HSPG2: variants seen among roughly 807,000 people sequenced by gnomAD.
The protein encoded by HSPG2 is heparan sulfate proteoglycan 2.
Under a neutral mutation model 526.6 loss-of-function variants are expected in HSPG2, and 278 were observed. That is an observed-to-expected ratio of 0.53 (90% confidence interval 0.48 to 0.58). The LOEUF (loss-of-function observed/expected upper bound fraction) is 0.58. HSPG2 is among the 20% of genes least tolerant of loss of function. The pLI is 0.00. For synonymous variants in HSPG2, 2,465 were observed against 2,555.4 expected (o/e 0.96, Z 1.07); for missense variants, 5,354 against 6,099.5 (o/e 0.88, Z 4.07).
intron 1 of HSPG2, among the ~76,000 whole-genome samples, chr1:21,900,592 GAA>G (rs957136914): frequency 6.6e-6 from 1 of 152,170 alleles, no homozygotes; most frequent in Non-Finnish European, 1.5e-5. Flanking sequence ...GAACGGAGGA[GAA>G]AACTACAGGA....
intron 1 of HSPG2, among the ~76,000 whole-genome samples, chr1:21,926,900 CA>C (rs1644210664): frequency 6.6e-6 from 1 of 152,048 alleles, no homozygotes. Flanking sequence ...TCCCAGTTCC[CA>C]ACTATTTGAA....
Position 21,875,721 on chromosome 1 carries a change from C to A in HSPG2, c.3210G>T (p.Gln1070His), listed in dbSNP as rs1321960164. 6.2e-7 allele frequency: 1 copy of A among 1,604,984 alleles called. No homozygotes were observed. The highest frequency in any genetic ancestry group is 1.3e-5 in the African/African-American group (1 of 75,052). Residue 1070 changes from glutamine to histidine, a missense_variant, in exon 25 of 97, where the codon CAG becomes CAT. Gln to His is a conservative substitution (Grantham distance 24). Transcript: ENST00000374695. ...TCAGCAGGTGCTCCCGTGTGGCTGGCTGCCCATCGGGCCGCTGCCATGCTT... is the reference window on the plus strand; with the variant it reads ...TCAGCAGGTGCTCCCGTGTGGCTGGATGCCCATCGGGCCGCTGCCATGCTT... ...REQAWQRPDGQPATREHLLMA... is the reference protein window; with the variant it reads ...REQAWQRPDGHPATREHLLMA...
Position 21,830,989 on chromosome 1 carries a change from G to A in HSPG2, c.11664C>T (p.Cys3888=), listed in dbSNP as rs1351639087. Reference sequence around the variant, plus strand: ...GGCGGTCGGGGTGCGTACCTGGATGGCAGTGCAGGGCCTGCGAGTGCTCAC... The same window carrying A: ...GGCGGTCGGGGTGCGTACCTGGATGACAGTGCAGGGCCTGCGAGTGCTCAC... ...SRCEHSQALH[C]HPEACGPDAT... is the part of the protein sequence containing the mutation. The change falls in exon 85 of 97, where the codon TGC becomes TGT. Residue 3888 remains cysteine (C), a synonymous_variant. Coordinates refer to ENST00000374695, the MANE Select transcript of HSPG2 (RefSeq NM_005529.7). The A allele has an allele frequency of 6.3e-7, 1 of 1,579,248 alleles. No individual in the cohort carries two copies. Among genetic ancestry groups the A allele is most frequent in the South Asian group, 1.1e-5 (1 of 87,284 alleles).
Position 21,893,237 on chromosome 1 carries a change from G to T in HSPG2, c.245-2543C>A, listed in dbSNP as rs1642493873. Among the ~76,000 whole-genome samples the T allele has an allele frequency of 6.6e-6, 1 of 152,206 alleles. No homozygotes were observed. The highest frequency in any genetic ancestry group is 2.4e-5 in the African/African-American group (1 of 41,468). On this transcript the variant is annotated intron_variant, in intron 3 of 96. Coordinates refer to ENST00000374695, the MANE Select transcript of HSPG2 (RefSeq NM_005529.7). This position sits in a 1 kb window ranked among gnomAD's most constrained non-coding sequence, Gnocchi z 4.3. Reference sequence around the variant, plus strand: ...CCCAGGATTGGCCTGTGCTGGGGTGGACACAAGTGGCCTCTGGAATGCAGG... The same window carrying T: ...CCCAGGATTGGCCTGTGCTGGGGTGTACACAAGTGGCCTCTGGAATGCAGG...
chr1:21,880,376 C>T lies in HSPG2; in HGVS notation c.2182G>A (p.Val728Met). The T allele has an allele frequency of 6.2e-7, 1 of 1,614,128 alleles. No individual in the cohort carries two copies. The highest frequency in any genetic ancestry group is 8.5e-7 in the Non-Finnish European group (1 of 1,180,018). ...CGGCTCAGGCACCTGCACTCCTCCA[C>T]ACTGTGGGCACGGCCATGGCTGGTG... The part of the protein sequence containing the change: ...HATSHGRAHS[V>M]EECRCPIGYS... Residue 728 changes from valine to methionine, a missense_variant, in exon 16 of 97, where the codon GTG becomes ATG. Transcript: ENST00000374695.
At chr1:21,826,353 C>A (rs1185096684) in intron 91 of HSPG2, among the ~76,000 whole-genome samples, 2 of 151,904 alleles carry the variant, frequency 1.3e-5, no homozygotes, top group African/African-American at 4.8e-5. Context: ...TAGATGAGCA[C>A]CACCATGCCC....
Position 21,824,463 on chromosome 1 carries a change from C to CA in HSPG2, c.12744+73dup. 6.2e-7 allele frequency: 1 copy of CA among 1,603,294 alleles called. No individual in the cohort carries two copies. The highest frequency in any genetic ancestry group is 1.1e-5 in the South Asian group (1 of 90,906). ...AGGGGGCTCTGCTTTCCCCTCCCCCCACCACTCCGGCCACCAGGAAGCCAG... is the reference window on the plus strand; with the variant it reads ...AGGGGGCTCTGCTTTCCCCTCCCCCCAACCACTCCGGCCACCAGGAAGCCAG... On this transcript the variant is annotated intron_variant, in intron 93 of 96. Coordinates refer to ENST00000374695, the MANE Select transcript of HSPG2 (RefSeq NM_005529.7). The surrounding 1 kb of genome is among the most constrained non-coding windows in gnomAD (Gnocchi z 5.9).
chr1:21,874,702 G>T lies in HSPG2; in HGVS notation c.3442C>A (p.Pro1148Thr), dbSNP rs1364553713. The T allele has an allele frequency of 1.2e-6, 2 of 1,608,756 alleles. No homozygotes were observed. Among genetic ancestry groups the T allele is most frequent in the Non-Finnish European group, 1.7e-6 (2 of 1,177,508 alleles). ...QDCDTGYTRT[P>T]SGLYLGTCER... ...CAGGTACCCAGGTAGAGGCCACTGG[G>T]CGTGCGTGTGTAGCCTGTGTCACAG... is the stretch of plus-strand genomic sequence containing the variant. The change falls in exon 27 of 97, where the codon CCC (proline) becomes ACC (threonine). Residue 1148 changes from proline to threonine, a missense_variant. Coordinates refer to ENST00000374695, the MANE Select transcript of HSPG2 (RefSeq NM_005529.7).
rs1639647128 is a variant in HSPG2 at position 21,859,752 on chromosome 1, A to T, written c.5183-76T>A. The T allele has an allele frequency of 6.3e-7, 1 of 1,587,830 alleles. No individual in the cohort carries two copies. Among genetic ancestry groups the T allele is most frequent in the Non-Finnish European group, 8.6e-7 (1 of 1,165,980 alleles). ...ATCCAGCCCCATGCACAAGGACAGCATCCCACTAGGGCAGGGACAGGCCCC... is the reference window on the plus strand; with the variant it reads ...ATCCAGCCCCATGCACAAGGACAGCTTCCCACTAGGGCAGGGACAGGCCCC... On this transcript the variant is annotated intron_variant, in intron 41 of 96. Transcript: ENST00000374695. This position sits in a 1 kb window ranked among gnomAD's most constrained non-coding sequence, Gnocchi z 5.3.
rs758260494 is a variant in HSPG2 at position 21,854,220 on chromosome 1, T to G, written c.6412A>C (p.Thr2138Pro). The G allele has an allele frequency of 6.3e-7, 1 of 1,594,010 alleles. No individual in the cohort carries two copies. The highest frequency in any genetic ancestry group is 1.7e-4 in the Middle Eastern group (1 of 6,038). Residue 2138 changes from threonine to proline, a missense_variant, in exon 50 of 97, where the codon ACC (threonine) becomes CCC (proline). Thr to Pro is a conservative substitution (Grantham distance 38). Transcript: ENST00000374695. Reference protein sequence around the residue: ...ASITVSVLHGTHSGPSYTPVP... With the variant: ...ASITVSVLHGPHSGPSYTPVP... ...GGGGTGTAGCTGGGGCCAGAATGGGTGCCGTGGAGCACAGACACAGTAATG... is the reference window on the plus strand; with the variant it reads ...GGGGTGTAGCTGGGGCCAGAATGGGGGCCGTGGAGCACAGACACAGTAATG...
rs1282088205 is a variant in HSPG2, at chr1:21,848,281, C to T, written c.7738-188G>A. Among the ~76,000 whole-genome samples the T allele has an allele frequency of 2.0e-5, 3 of 152,134 alleles. No individual in the cohort carries two copies. Among genetic ancestry groups the T allele is most frequent in the African/African-American group, 7.2e-5 (3 of 41,428 alleles). On this transcript the variant is annotated intron_variant, in intron 59 of 96. Transcript: ENST00000374695. This position sits in a 1 kb window ranked among gnomAD's most constrained non-coding sequence, Gnocchi z 4.9. ...GGGGTGGACGTCTAGCCTTTTGTCA[C>T]CCCTCCAGAAAGCCTGTTAAGGCCC... is the stretch of plus-strand genomic sequence containing the variant.
Position 21,890,403 on chromosome 1 carries a change from A to G in HSPG2, c.413+24T>C. 6.2e-7 allele frequency: 1 copy of G among 1,611,640 alleles called. No homozygotes were observed. Among genetic ancestry groups the G allele is most frequent in the South Asian group, 1.1e-5 (1 of 91,002 alleles). ...AGGTTACCCGCTCAAGTCCCCCAGC[A>G]GCCCCCAGGGAGCCCCTTCTCACTT... On this transcript the variant is annotated intron_variant, in intron 5 of 96. Coordinates refer to ENST00000374695, the MANE Select transcript of HSPG2 (RefSeq NM_005529.7). The surrounding 1 kb of genome is among the most constrained non-coding windows in gnomAD (Gnocchi z 4.1).
chr1:21,902,960 G>A (rs1458700037), intron 1 of HSPG2, among the ~76,000 whole-genome samples: 1 of 152,242 alleles, frequency 6.6e-6, no homozygotes, highest in Non-Finnish European at 1.5e-5. Context: ...ACTTTGATCT[G>A]TTTTGAGCAT....
chr1:21,929,833 T>C (rs942188135), intron 1 of HSPG2, among the ~76,000 whole-genome samples: 1 of 152,110 alleles, frequency 6.6e-6, no homozygotes, highest in African/African-American at 2.4e-5. Context: ...GTGACCCATC[T>C]TCAAAATGTA....
chr1:21,854,461 T>C (rs1451988832), intron 49 of HSPG2, 118 bp from the exon 50 acceptor site: 2 of 1,470,644 alleles, frequency 1.4e-6, no homozygotes, highest in Admixed American at 2.0e-5. Context: ...CATCCCATGC[T>C]AGAAACTGGG....
chr1:21,835,289 C>A, intron 76 of HSPG2: 1 of 600,368 alleles, frequency 1.7e-6, no homozygotes, highest in South Asian at 1.9e-5. Context: ...ATGCCCGGTT[C>A]ACACTGATTC....
chr1:21,854,422 T>C (rs1639170810), intron 49 of HSPG2, 79 bp from the exon 50 acceptor site: 1 of 1,525,476 alleles, frequency 6.6e-7, no homozygotes, highest in Admixed American at 2.0e-5. Flanking sequence ...CAGTGATTCA[T>C]TCAAACTCTC....
chr1:21,827,141 G>A (rs962374019), intron 91 of HSPG2, among the ~76,000 whole-genome samples: 4 of 150,678 alleles, frequency 2.7e-5, no homozygotes, highest in African/African-American at 1.0e-4. Flanking sequence ...CTGGGAGGCG[G>A]GGGTTGCAGT....
intron 64 of HSPG2, among the ~76,000 whole-genome samples, chr1:21,844,855 T>G (rs1638296976): frequency 6.6e-6 from 1 of 152,244 alleles, no homozygotes; most frequent in South Asian, 2.1e-4. Context: ...GTTTACTGCT[T>G]AGCAATCTGT....
Sources: allele counts gnomAD v4.1 joint callset (sites outside exome capture counted in the v4.1 genomes callset), GRCh38; gene constraint gnomAD v4.1.1; non-coding constraint Gnocchi (gnomAD v3.1); transcripts MANE v1.5; gene names NCBI Gene and HGNC (gene_info 2026-07-23, HGNC 2026-07-21).